SEPSECS: variants seen among roughly 807,000 people sequenced by gnomAD.
SEPSECS encodes the protein Sep (O-phosphoserine) tRNA:Sec (selenocysteine) tRNA synthase.
Under a neutral mutation model 52.1 loss-of-function variants are expected in SEPSECS, and 42 were observed. That is an observed-to-expected ratio of 0.81 (90% CI 0.63 to 1.04). The LOEUF (loss-of-function observed/expected upper bound fraction) is 1.04. Ranked by LOEUF, SEPSECS falls within the 50% of genes least tolerant of loss-of-function variation. The pLI is 0.00. For synonymous variants in SEPSECS, 216 were observed against 211.4 expected, an observed-to-expected ratio of 1.02 and a Z score of -0.19; for missense variants, 590 against 610.6, an observed-to-expected ratio of 0.97 and a Z score of 0.36.
At position 25,124,106 on chromosome 4, in the gene SEPSECS, A is replaced by G. The variant is rs1728254212; in HGVS notation, c.1331T>C (p.Met444Thr). The part of the protein sequence containing the change: ...LNAASAIGMK[M>T]QDVDLFIKRL... ...CTTTATGAACAGGTCCACATCCTGC[A>G]TCTTCATTCCGATGGCTGATGCAGC... The change falls in exon 11 of 11, where the codon ATG becomes ACG. Residue 444 changes from methionine (M) to threonine (T), a missense_variant. Coordinates refer to ENST00000382103, the MANE Select transcript of SEPSECS (RefSeq NM_016955.4). The G allele has an allele frequency of 1.2e-6, 2 of 1,613,644 alleles. No individual in the cohort carries two copies. Among genetic ancestry groups the G allele is most frequent in the Admixed American group, 3.3e-5 (2 of 59,952 alleles).
chr4:25,160,363 G>T lies in SEPSECS; in HGVS notation c.7C>A (p.Arg3Ser). 3 of 1,546,948 alleles carry T rather than the reference G, an allele frequency of 1.9e-6. No homozygotes were observed. The highest frequency in any genetic ancestry group is 2.6e-6 in the Non-Finnish European group (3 of 1,143,948). The change falls in exon 1 of 11, where the codon CGC (arginine) becomes AGC (serine). Residue 3 changes from arginine (R) to serine (S), a missense_variant. Transcript: ENST00000382103. ...CGCTCTCCCGCCGCGAAGCTCTCGCGGTTCATGACAGCGGTGGCGACAGTG... is the reference window on the plus strand; with the variant it reads ...CGCTCTCCCGCCGCGAAGCTCTCGCTGTTCATGACAGCGGTGGCGACAGTG... MNRESFAAGERLV... is the reference protein window; with the variant it reads MNSESFAAGERLV...
rs1034122280 is a variant in SEPSECS, at chr4:25,120,218, C to T, written c.*3713G>A. On this transcript the variant is annotated 3_prime_UTR_variant, in exon 11 of 11. Transcript: ENST00000382103. ...CCTTTCTTTGTATTTCTCAAGTTGA[C>T]ACCACTTGATAAAAAACAAAACAAT... The T allele has an allele frequency of 1.3e-5, 2 of 152,106 alleles. No individual in the cohort carries two copies. Among genetic ancestry groups the T allele is most frequent in the Admixed American group, 1.3e-4 (2 of 15,260 alleles). The allele number at this position is 152,106 out of a possible 1,614,324, so 9.4% of individuals were successfully genotyped here. A position where few individuals can be genotyped will look rare whatever the true frequency, so the allele number is the denominator to read the frequency against.
intron 8 of SEPSECS, among the ~76,000 whole-genome samples, chr4:25,144,272 G>A (rs1439840593): frequency 6.7e-6 from 1 of 150,102 alleles, no homozygotes; most frequent in Non-Finnish European, 1.5e-5. Context: ...CCTGGGAGGC[G>A]GAGGTTGCAG....
chr4:25,132,839 G>A (rs1728667090), intron 8 of SEPSECS, among the ~76,000 whole-genome samples: 1 of 152,196 alleles, frequency 6.6e-6, no homozygotes. Flanking sequence ...CAACGGATGA[G>A]TGACTGGAAG....
In SEPSECS at chr4:25,156,878, G is replaced by T; in HGVS notation, c.366C>A (p.Val122=). The T allele has an allele frequency of 6.3e-7, 1 of 1,599,960 alleles. No homozygotes were observed. Among genetic ancestry groups the T allele is most frequent in the South Asian group, 1.1e-5 (1 of 90,732 alleles). ...SLLNKITNSL[V]LDIIKLAGVH... Reference sequence around the variant, plus strand: ...TACCAGCCAGCTTTATAATGTCCAGGACCAAAGAATTGGTAATTTTGTTCA... The same window carrying T: ...TACCAGCCAGCTTTATAATGTCCAGTACCAAAGAATTGGTAATTTTGTTCA... Residue 122 remains valine (V), a synonymous_variant, in exon 3 of 11, where the codon GTC becomes GTA. Transcript: ENST00000382103.
intron 5 of SEPSECS, among the ~76,000 whole-genome samples, chr4:25,153,621 T>G (rs1712445192): frequency 6.6e-6 from 1 of 151,900 alleles, no homozygotes; most frequent in Non-Finnish European, 1.5e-5. Context: ...ATTAATTAAC[T>G]AATAAAAACA....
At chr4:25,150,398 G>A (rs541524212) in intron 6 of SEPSECS, among the ~76,000 whole-genome samples, 1 of 152,256 alleles carries the variant, frequency 6.6e-6, no homozygotes, top group East Asian at 1.9e-4. Flanking sequence ...TTACGTACCA[G>A]ATATTGTCTT....
chr4:25,122,333 T>C lies in SEPSECS; in HGVS notation c.*1598A>G, dbSNP rs536799913. On this transcript the variant is annotated 3_prime_UTR_variant, in exon 11 of 11. Transcript: ENST00000382103. ...CATGTTTACAAACAGTCTGGGACAA[T>C]GTACAACGTCACCAAAATACCAGAA... 1 of 152,278 alleles carries C rather than the reference T, an allele frequency of 6.6e-6. No individual in the cohort carries two copies. The highest frequency in any genetic ancestry group is 2.4e-5 in the African/African-American group (1 of 41,576). 9.4% of individuals were successfully genotyped at this position (152,278 alleles called of 1,614,324 possible).
At chr4:25,160,205 G>A (rs1465892713) in intron 1 of SEPSECS, 51 bp downstream of exon 1, 1 of 1,545,272 alleles carries the variant, frequency 6.5e-7, no homozygotes. Context: ...GCCCGGCGGA[G>A]CCAGAGCCCC....
chr4:25,153,637 T>G (rs561304171), intron 5 of SEPSECS, among the ~76,000 whole-genome samples: 1 of 152,104 alleles, frequency 6.6e-6, no homozygotes, highest in East Asian at 1.9e-4. Flanking sequence ...AAACAAAATG[T>G]ATACTGTATC....
intron 8 of SEPSECS, among the ~76,000 whole-genome samples, chr4:25,129,387 G>A (rs1392394574): frequency 1.3e-5 from 2 of 151,874 alleles, no homozygotes; most frequent in African/African-American, 2.4e-5. Context: ...TTTTTGGGAG[G>A]CTGAGGCAGG....
At position 25,135,310 on chromosome 4, in the gene SEPSECS, G is replaced by A. The variant is rs1728797843; in HGVS notation, c.1027-7953C>T. On this transcript the variant is annotated intron_variant, in intron 8 of 10. Coordinates refer to ENST00000382103, the MANE Select transcript of SEPSECS (RefSeq NM_016955.4). ...TTTTTAAAAAATTAATAAAAAATAGGTAGATTGTTAGCTAGACTAATAAGA... is the reference window on the plus strand; with the variant it reads ...TTTTTAAAAAATTAATAAAAAATAGATAGATTGTTAGCTAGACTAATAAGA... Among the ~76,000 whole-genome samples the A allele has an allele frequency of 2.0e-5, 3 of 149,530 alleles. No homozygotes were observed. In the South Asian group the frequency reaches 6.5e-4, roughly 32 times the overall value.
intron 1 of SEPSECS, 106 bp from the exon 2 acceptor site, chr4:25,159,213 T>C (rs935844841): frequency 1.0e-6 from 1 of 980,218 alleles, no homozygotes. Flanking sequence ...GCCACGCTGC[T>C]TGTTTTCTAA....
intron 8 of SEPSECS, among the ~76,000 whole-genome samples, chr4:25,142,827 G>A (rs888297342): frequency 6.6e-6 from 1 of 152,180 alleles, no homozygotes; most frequent in African/African-American, 2.4e-5. Flanking sequence ...CAGTTCCCAT[G>A]ATTATTATGT....
intron 6 of SEPSECS, among the ~76,000 whole-genome samples, chr4:25,147,302 G>A (rs150522642): frequency 3.3e-5 from 5 of 152,216 alleles, no homozygotes; most frequent in African/African-American, 4.8e-5. Flanking sequence ...CTCTGCTTTC[G>A]CACAAAAAAT....
chr4:25,125,654 A>T (rs1311901282), intron 10 of SEPSECS, 40 bp downstream of exon 10: 1 of 1,359,350 alleles, frequency 7.4e-7, no homozygotes, highest in South Asian at 1.2e-5. Context: ...GTTAAGTTTG[A>T]AAAGACAAAT....
At chr4:25,139,930 A>G (rs1176662026) in intron 8 of SEPSECS, among the ~76,000 whole-genome samples, 1 of 152,260 alleles carries the variant, frequency 6.6e-6, no homozygotes, top group South Asian at 2.1e-4. Context: ...TTCATCTCAC[A>G]GCCCAGTCCA....
intron 2 of SEPSECS, among the ~76,000 whole-genome samples, chr4:25,158,513 T>C (rs1411946446): frequency 6.6e-6 from 1 of 151,026 alleles, no homozygotes; most frequent in South Asian, 2.1e-4. Context: ...GAGGTATTTA[T>C]AAAATGAGAT....
chr4:25,136,581 A>G (rs1728851467), intron 8 of SEPSECS, among the ~76,000 whole-genome samples: 2 of 152,234 alleles, frequency 1.3e-5, no homozygotes, highest in Non-Finnish European at 2.9e-5. Context: ...AAACAAATGT[A>G]AAAACATTCC....
Sources: allele counts gnomAD v4.1 joint callset (sites outside exome capture counted in the v4.1 genomes callset), GRCh38; gene constraint gnomAD v4.1.1; transcripts MANE v1.5; gene names NCBI Gene and HGNC (gene_info 2026-07-23, HGNC 2026-07-21).